The following ST6GAL2 variants were observed in gnomAD, a reference collection of about 807,000 sequenced individuals.
The protein encoded by ST6GAL2 is beta-galactoside alpha-2,6-sialyltransferase 2.
Under a neutral mutation model 37.5 loss-of-function variants are expected in ST6GAL2, and 24 were observed. That is an observed-to-expected ratio of 0.64 (90% CI 0.46 to 0.90). The LOEUF (loss-of-function observed/expected upper bound fraction) is 0.90. ST6GAL2 is among the 40% of genes least tolerant of loss of function. The pLI is 0.00. For synonymous variants in ST6GAL2, 306 were observed against 295.1 expected, an observed-to-expected ratio of 1.04 and a Z score of -0.38; for missense variants, 715 against 712.7, an observed-to-expected ratio of 1.00 and a Z score of -0.04.
At position 106,802,496 on chromosome 2, in the gene ST6GAL2, A is replaced by G. The variant is rs947888562; in HGVS notation, c.*4182T>C. The G allele has an allele frequency of 6.6e-6, 1 of 152,248 alleles. No homozygotes were observed. The highest frequency in any genetic ancestry group is 2.1e-4 in the South Asian group (1 of 4,808). 9.4% of individuals were successfully genotyped at this position (152,248 alleles called of 1,614,324 possible). A position where few individuals can be genotyped will look rare whatever the true frequency, so the allele number is the denominator to read the frequency against. On this transcript the variant is annotated 3_prime_UTR_variant, in exon 6 of 6. Coordinates refer to ENST00000409382, the MANE Select transcript of ST6GAL2 (RefSeq NM_001142351.2). Reference sequence around the variant, plus strand: ...TTCATTTAATAAAACAAGAACTTACATTTTATTTCCTTGAACGGACAGAGA... The same window carrying G: ...TTCATTTAATAAAACAAGAACTTACGTTTTATTTCCTTGAACGGACAGAGA...
At position 106,807,631 on chromosome 2, in the gene ST6GAL2, C is replaced by CTTT. The variant is rs10665727; in HGVS notation, c.1319-685_1319-683dup. 1.5e-3 allele frequency among the ~76,000 whole-genome samples: 215 copies of CTTT among 139,020 alleles called. 7 individuals are homozygous for CTTT. In the South Asian group the frequency reaches 0.021, roughly 13 times the overall value. 91.2% of individuals were successfully genotyped at this position (139,020 alleles called of 152,430 possible). On this transcript the variant is annotated intron_variant, in intron 5 of 5. Transcript: ENST00000409382. The stretch of plus-strand genomic sequence containing the variant: ...TAATCATCACTGAGTACATTTTATT[C>CTTT]TTTTTTTTTTTTTTTGAGACGGAGT...
intron 1 of ST6GAL2, among the ~76,000 whole-genome samples, chr2:106,855,625 A>C (rs934842140): frequency 6.6e-6 from 1 of 152,146 alleles, no homozygotes; most frequent in Non-Finnish European, 1.5e-5. Flanking sequence ...AATATGGCAA[A>C]ATATTAATAT....
chr2:106,807,020 G>T, intron 5 of ST6GAL2, 71 bp from the exon 6 acceptor site: 1 of 1,358,324 alleles, frequency 7.4e-7, no homozygotes, highest in Non-Finnish European at 1.0e-6. Context: ...TTTGGGGGAG[G>T]GGTGGTGGTG....
chr2:106,814,608 A>G (rs1403696693), intron 5 of ST6GAL2, among the ~76,000 whole-genome samples: 1 of 152,272 alleles, frequency 6.6e-6, no homozygotes, highest in South Asian at 2.1e-4. Flanking sequence ...GGCCCTGGCT[A>G]CAAGGCCTGT....
At chr2:106,877,376 TA>T (rs1421761676) in intron 1 of ST6GAL2, among the ~76,000 whole-genome samples, 1 of 152,214 alleles carries the variant, frequency 6.6e-6, no homozygotes, top group Non-Finnish European at 1.5e-5. Context: ...ATATTACATA[TA>T]CATGTATATA....
intron 5 of ST6GAL2, among the ~76,000 whole-genome samples, chr2:106,822,101 G>A (rs1371985546): frequency 6.6e-6 from 1 of 152,032 alleles, no homozygotes; most frequent in African/African-American, 2.4e-5. Context: ...CTGGAATATG[G>A]CAAGGATGCC....
chr2:106,864,869 G>A (rs759358459), intron 1 of ST6GAL2, among the ~76,000 whole-genome samples: 33 of 152,142 alleles, frequency 2.2e-4, no homozygotes, highest in African/African-American at 6.5e-4. Flanking sequence ...AAGGAACTCC[G>A]ACAGTAAATT....
intron 3 of ST6GAL2, among the ~76,000 whole-genome samples, chr2:106,833,572 A>G (rs1417975585): frequency 6.6e-6 from 1 of 152,222 alleles, no homozygotes; most frequent in East Asian, 1.9e-4. Flanking sequence ...CTCATTAAGA[A>G]CGTGAAGAAA....
At chr2:106,812,827 G>A (rs571531100) in intron 5 of ST6GAL2, among the ~76,000 whole-genome samples, 84 of 152,150 alleles carry the variant, frequency 5.5e-4, no homozygotes, top group Non-Finnish European at 9.7e-4. Context: ...TACATAAAAT[G>A]CAAGAAGAAT....
At chr2:106,807,982 A>T (rs1675481546) in intron 5 of ST6GAL2, among the ~76,000 whole-genome samples, 1 of 152,060 alleles carries the variant, frequency 6.6e-6, no homozygotes, top group Non-Finnish European at 1.5e-5. Context: ...CAACACCACC[A>T]TGCCACTATT....
intron 1 of ST6GAL2, among the ~76,000 whole-genome samples, chr2:106,851,516 A>T (rs1197972169): frequency 6.6e-6 from 1 of 152,246 alleles, no homozygotes; most frequent in Non-Finnish European, 1.5e-5. Context: ...GGAACATTAC[A>T]CTGCAGCTTA....
At position 106,834,069 on chromosome 2, in the gene ST6GAL2, T is replaced by C. The variant is rs12615112; in HGVS notation, c.1021A>G (p.Ile341Val). ...CTTACCTGCGAATTAATGATGCGTA[T>C]GGTGGTTTTATTCCCAACATCTTTC... ...YEKDVGNKTT[I>V]RIINSQILTN... The change falls in exon 3 of 6, where the codon ATA becomes GTA. Residue 341 changes from isoleucine (I) to valine (V), a missense_variant. Physicochemically the swap from Ile to Val is conservative, Grantham distance 29 (BLOSUM62 3). Coordinates refer to ENST00000409382, the MANE Select transcript of ST6GAL2 (RefSeq NM_001142351.2). 0.12 allele frequency: 187,538 copies of C among 1,609,978 alleles called. 16,025 individuals are homozygous for C. The highest frequency in any genetic ancestry group is 0.45 in the East Asian group (20,079 of 44,696).
chr2:106,886,992 T>G (rs1679030155), upstream of ST6GAL2: 2 of 152,320 alleles, frequency 1.3e-5, no homozygotes, highest in Admixed American at 1.3e-4. Flanking sequence ...AGTACCCGCC[T>G]GGCACCGCGC....
intron 1 of ST6GAL2, among the ~76,000 whole-genome samples, chr2:106,852,432 C>T (rs551308168): frequency 6.9e-4 from 105 of 152,308 alleles, no homozygotes; most frequent in African/African-American, 2.4e-3. Flanking sequence ...AAAACACTGG[C>T]GGCTGGGCTT....
chr2:106,829,976 C>T (rs1202069784), intron 5 of ST6GAL2, 90 bp downstream of exon 5: 8 of 1,253,772 alleles, frequency 6.4e-6, no homozygotes, highest in Non-Finnish European at 5.7e-6. Flanking sequence ...AAGGTATTTT[C>T]AACCTGTATA....
chr2:106,817,612 C>A (rs1675850340), intron 5 of ST6GAL2, among the ~76,000 whole-genome samples: 1 of 152,098 alleles, frequency 6.6e-6, no homozygotes, highest in Non-Finnish European at 1.5e-5. Context: ...GACTCAGAGC[C>A]ATGTTGGCTT....
chr2:106,823,943 T>A (rs1223680928), intron 5 of ST6GAL2, among the ~76,000 whole-genome samples: 1 of 152,180 alleles, frequency 6.6e-6, no homozygotes, highest in Non-Finnish European at 1.5e-5. Flanking sequence ...CACCTCCCAA[T>A]GGTCCCACCT....
chr2:106,881,484 C>T (rs13030160), intron 1 of ST6GAL2, among the ~76,000 whole-genome samples: 106,692 of 152,100 alleles, frequency 0.7, 39,858 homozygotes, highest in East Asian at 0.97. Context: ...AGGTCAGTGG[C>T]ACAATTATGG....
intron 5 of ST6GAL2, among the ~76,000 whole-genome samples, chr2:106,818,771 C>T (rs1481840804): frequency 6.6e-6 from 1 of 151,920 alleles, no homozygotes; most frequent in Non-Finnish European, 1.5e-5. Flanking sequence ...CCCACAGAGA[C>T]AGAGATATGT....
Sources: gnomAD v4.1 joint callset for allele counts (sites outside exome capture counted in the v4.1 genomes callset) on GRCh38, gnomAD v4.1.1 for gene constraint, MANE v1.5 for transcripts, NCBI Gene and HGNC (gene_info 2026-07-23, HGNC 2026-07-21) for gene names.